The following RNF38 variants were observed in gnomAD, a reference collection of about 807,000 sequenced individuals.
The protein encoded by RNF38 is E3 ubiquitin-protein ligase RNF38.
In RNF38, 15 loss-of-function variants were observed where a neutral mutation model predicts 67.2. The observed-to-expected ratio is 0.22, with a 90% CI of 0.15 to 0.34. The LOEUF is 0.34. Among genes scored for constraint, RNF38 ranks in the 10% least tolerant of loss-of-function variants. The probability of loss-of-function intolerance (pLI) is 1.00; values close to 1 mark genes in which losing one functional copy is unlikely to be tolerated. For synonymous variants in RNF38, 220 were observed against 218.8 expected (o/e 1.01, Z -0.05); for missense variants, 524 against 639.9 (o/e 0.82, Z 1.95).
At chr9:36,427,879 T>C (rs1838818138) in intron 1 of RNF38, among the ~76,000 whole-genome samples, 1 of 151,166 alleles carries the variant, frequency 6.6e-6, no homozygotes, top group Non-Finnish European at 1.5e-5. Context: ...CCTGGCTAAT[T>C]TTGTATTTTT....
Position 36,390,489 on chromosome 9 carries a change from G to A in RNF38, c.140C>T (p.Ala47Val), listed in dbSNP as rs370423415. ...SDQNTTVQED[A>V]HFKAFFQSED... ...AACCTGGAAGAAAGCTTTGAAGTGA[G>A]CATCCTCTTGAACGGTAGTGTTCTG... is the stretch of plus-strand genomic sequence containing the variant. The change falls in exon 2 of 12, where the codon GCT (alanine) becomes GTT (valine). Residue 47 changes from alanine (A) to valine (V), a missense_variant. By Grantham distance (64) the Ala-to-Val change is moderately conservative. This residue lies in a region of RNF38 where 461 missense variants were observed against 517.4 expected (regional missense o/e 0.89). Coordinates refer to ENST00000259605, the MANE Select transcript of RNF38 (RefSeq NM_022781.5). The A allele has an allele frequency of 5.6e-5, 91 of 1,613,002 alleles. No individual in the cohort carries two copies. The highest frequency in any genetic ancestry group is 6.7e-5 in the Non-Finnish European group (79 of 1,179,606).
chr9:36,425,292 T>TAA (rs1239951822), intron 1 of RNF38, among the ~76,000 whole-genome samples: 1 of 152,098 alleles, frequency 6.6e-6, no homozygotes, highest in Non-Finnish European at 1.5e-5. Context: ...CCATTTTTTT[T>TAA]AAAAAAAGTT....
chr9:36,430,269 C>T lies in RNF38; in HGVS notation n.242-5586G>A, dbSNP rs1395014892. On this transcript the variant is annotated intron_variant and non_coding_transcript_variant, in intron 1 of 3. Coordinates refer to the RNF38 transcript ENST00000488058. ...TTGCCCAGGCTGGAGTGCAATGGCG[C>T]GATCTCAGCTCACTACAACCTCCTC... 5.3e-5 allele frequency among the ~76,000 whole-genome samples: 8 copies of T among 152,022 alleles called. No individual in the cohort carries two copies. The East Asian group carries it at 9.6e-4, about 18-fold the overall frequency.
intron 1 of RNF38, among the ~76,000 whole-genome samples, chr9:36,456,264 C>T (rs1429560182): frequency 6.6e-6 from 1 of 152,146 alleles, no homozygotes; most frequent in Non-Finnish European, 1.5e-5. Context: ...ACCATGTTGG[C>T]CAGGCTGGTC....
At position 36,459,205 on chromosome 9, in the gene RNF38, T is replaced by TC. The variant is rs1839666349; in HGVS notation, n.241+28102dup. On this transcript the variant is annotated intron_variant and non_coding_transcript_variant, in intron 1 of 3. Coordinates refer to the RNF38 transcript ENST00000488058. The stretch of plus-strand genomic sequence containing the variant: ...CCTGGTGACAGAGCGAGACTCTGTC[T>TC]CAAAAAAAAAAAAAAAGAAAGATAA... Among the ~76,000 whole-genome samples the TC allele has an allele frequency of 2.2e-5, 3 of 137,278 alleles. No individual in the cohort carries two copies. The East Asian group carries it at 6.3e-4, about 29-fold the overall frequency. 90.1% of individuals were successfully genotyped at this position (137,278 alleles called of 152,430 possible). A position where few individuals can be genotyped will look rare whatever the true frequency, so the allele number is the denominator to read the frequency against.
intron 1 of RNF38, among the ~76,000 whole-genome samples, chr9:36,399,407 T>C (rs563056102): frequency 6.6e-6 from 1 of 150,796 alleles, no homozygotes; most frequent in African/African-American, 2.4e-5. Context: ...TACAGAAATA[T>C]CATAAAAATC....
intron 1 of RNF38, among the ~76,000 whole-genome samples, chr9:36,469,017 C>T (rs1430218067): frequency 6.6e-6 from 1 of 152,054 alleles, no homozygotes; most frequent in East Asian, 1.9e-4. Flanking sequence ...GAGGCTGAGG[C>T]AGAAGAATTG....
At chr9:36,342,562 T>C (rs1832928470) in intron 10 of RNF38, 138 bp from the exon 11 acceptor site, 4 of 616,164 alleles carry the variant, frequency 6.5e-6, no homozygotes, top group Non-Finnish European at 1.1e-5. Context: ...ACCAATACCC[T>C]GAAAAAATTG....
intron 1 of RNF38, among the ~76,000 whole-genome samples, chr9:36,392,603 T>TA (rs962921077): frequency 2.6e-5 from 4 of 151,816 alleles, no homozygotes; most frequent in African/African-American, 9.7e-5. Flanking sequence ...AAATAAAAAT[T>TA]AAAAAAATTA....
chr9:36,367,958 T>C (rs1467600447), intron 4 of RNF38, among the ~76,000 whole-genome samples: 1 of 152,162 alleles, frequency 6.6e-6, no homozygotes, highest in Admixed American at 6.5e-5. Context: ...TTCAAGCGCT[T>C]CTCCTGCTTC....
chr9:36,424,665 AAAG>A (rs1285774623), exon 2 of RNF38: 2 of 985,712 alleles, frequency 2.0e-6, no homozygotes, highest in Non-Finnish European at 2.4e-6. Context: ...CTGGCACTGA[AAAG>A]AAGCACCAAC....
chr9:36,388,933 T>A (rs1364449652), intron 2 of RNF38, among the ~76,000 whole-genome samples: 1 of 152,090 alleles, frequency 6.6e-6, no homozygotes, highest in Non-Finnish European at 1.5e-5. Context: ...ATAAGAAGCA[T>A]AACTGGAACT....
At chr9:36,474,197 C>A (rs1840070841) in intron 1 of RNF38, among the ~76,000 whole-genome samples, 2 of 151,058 alleles carry the variant, frequency 1.3e-5, no homozygotes, top group Admixed American at 1.3e-4. Context: ...CCTGTAGTCC[C>A]AGCTACTCGG....
chr9:36,475,665 A>G (rs1260327340), intron 1 of RNF38, among the ~76,000 whole-genome samples: 1 of 150,618 alleles, frequency 6.6e-6, no homozygotes, highest in Non-Finnish European at 1.5e-5. Flanking sequence ...GCCTCAAATC[A>G]TTATTTTTTA....
intron 2 of RNF38, among the ~76,000 whole-genome samples, chr9:36,408,079 T>C (rs778722891): frequency 3.9e-5 from 6 of 152,194 alleles, no homozygotes; most frequent in Non-Finnish European, 5.9e-5. Context: ...TTTCAAGATA[T>C]ATTGCTACAC....
chr9:36,433,857 C>T (rs13291792), intron 1 of RNF38, among the ~76,000 whole-genome samples: 19 of 152,116 alleles, frequency 1.2e-4, no homozygotes, highest in African/African-American at 4.1e-4. Context: ...AAAAAACAGG[C>T]TCTCAAACAT....
chr9:36,373,772 G>A (rs1352928048), intron 3 of RNF38, among the ~76,000 whole-genome samples: 1 of 151,782 alleles, frequency 6.6e-6, no homozygotes, highest in Non-Finnish European at 1.5e-5. Flanking sequence ...CACCGCACCC[G>A]GCCTTGCTAG....
At chr9:36,343,682 GA>G (rs1223985681) in intron 10 of RNF38, among the ~76,000 whole-genome samples, 1 of 149,508 alleles carries the variant, frequency 6.7e-6, no homozygotes, top group Non-Finnish European at 1.5e-5. Context: ...ATCCATCGAC[GA>G]AAAAAAAATA....
intron 2 of RNF38, among the ~76,000 whole-genome samples, chr9:36,388,412 G>C (rs1329639579): frequency 6.6e-6 from 1 of 152,152 alleles, no homozygotes; most frequent in Middle Eastern, 3.4e-3. Flanking sequence ...GCAAATATGA[G>C]AAGCAAAATG....
Sources: allele counts gnomAD v4.1 joint callset (sites outside exome capture counted in the v4.1 genomes callset), GRCh38; gene constraint gnomAD v4.1.1; regional missense constraint gnomAD v4.1.1; transcripts MANE v1.5; gene names NCBI Gene and HGNC (gene_info 2026-07-23, HGNC 2026-07-21).